Variants in CNTNAP3B observed in about 807,000 individuals in gnomAD.
The protein encoded by CNTNAP3B is contactin associated protein family member 3B, also known as contactin-associated protein-like 3B.
A neutral mutation model predicts 108.9 loss-of-function variants in CNTNAP3B; 25 were observed. The ratio of observed to expected loss-of-function variants is 0.23; its 90% confidence interval spans 0.17 to 0.32. The LOEUF is 0.32. Among genes scored for constraint, CNTNAP3B ranks in the 10% least tolerant of loss-of-function variants. The probability of loss-of-function intolerance (pLI) is 1.00; values close to 1 mark genes in which losing one functional copy is unlikely to be tolerated. For synonymous variants in CNTNAP3B, 103 were observed against 473.4 expected (o/e 0.22, Z 10.16); for missense variants, 252 against 1,210.4 (o/e 0.21, Z 11.75).
chr9:41,918,076 T>A (rs199548515), intron 18 of CNTNAP3B, among the ~76,000 whole-genome samples: 2 of 152,084 alleles, frequency 1.3e-5, no homozygotes, highest in Non-Finnish European at 2.9e-5. Context: ...TATGCCTGTT[T>A]CGTATGAGAG....
At chr9:41,969,679 G>T (rs1396601339) in intron 10 of CNTNAP3B, among the ~76,000 whole-genome samples, 3 of 151,634 alleles carry the variant, frequency 2.0e-5, no homozygotes, top group African/African-American at 7.3e-5. Context: ...GTGCAGTGGC[G>T]CGATCTCTGC....
intron 3 of CNTNAP3B, among the ~76,000 whole-genome samples, chr9:42,045,387 T>TA (rs1826851258): frequency 8.7e-6 from 1 of 114,496 alleles, no homozygotes; most frequent in Non-Finnish European, 1.7e-5. Context: ...TAACTGAAAT[T>TA]TATTTCGAAA....
intron 2 of CNTNAP3B, among the ~76,000 whole-genome samples, chr9:42,087,072 C>G (rs1414970662): frequency 2.1e-5 from 3 of 140,554 alleles, no homozygotes; most frequent in Non-Finnish European, 4.6e-5. Context: ...TTTTTTAATG[C>G]TATTGTGAAT....
intron 3 of CNTNAP3B, among the ~76,000 whole-genome samples, chr9:42,030,813 G>GGAGAGAGAGAGAGAGAGAGA (rs71274672): frequency 3.6e-4 from 24 of 65,766 alleles, no homozygotes; most frequent in African/African-American, 1.3e-3. Flanking sequence ...GAGAGAGAGA[G>GGAGAGAGAGAGAGAGAGAGA]GAGAGAGAGA....
intron 3 of CNTNAP3B, among the ~76,000 whole-genome samples, chr9:42,055,798 A>G (rs1827055544): frequency 9.0e-6 from 1 of 111,640 alleles, no homozygotes; most frequent in Non-Finnish European, 1.8e-5. Context: ...AAACAGACCT[A>G]AAACATTCCC....
At chr9:42,107,505 G>T (rs1343573880) in intron 1 of CNTNAP3B, among the ~76,000 whole-genome samples, 1 of 125,082 alleles carries the variant, frequency 8.0e-6, no homozygotes, top group East Asian at 2.5e-4. Context: ...AGTTTCAGAT[G>T]ATTTCCAATA....
intron 15 of CNTNAP3B, among the ~76,000 whole-genome samples, chr9:41,924,645 G>GCACACACA (rs200851620): frequency 3.7e-3 from 495 of 134,876 alleles, no homozygotes; most frequent in Middle Eastern, 0.011. Flanking sequence ...TTTCCTTCCT[G>GCACACACA]CACACACACA....
rs973961888 is a variant in CNTNAP3B at position 42,115,578 on chromosome 9, T to C, written c.86-10839A>G. ...GCAATATTTGCTGTTCTGCAGCCTC[T>C]GCTGGTGATACCCAGGCAAACAGGG... On this transcript the variant is annotated intron_variant, in intron 1 of 23. Transcript: ENST00000377561. 6.6e-4 allele frequency among the ~76,000 whole-genome samples: 88 copies of C among 133,518 alleles called. 13 individuals carry two copies. Among genetic ancestry groups the C allele is most frequent in the African/African-American group, 2.5e-3 (84 of 33,018 alleles). 87.6% of individuals were successfully genotyped at this position (133,518 alleles called of 152,430 possible). A position where few individuals can be genotyped will look rare whatever the true frequency, so the allele number is the denominator to read the frequency against.
At chr9:41,932,810 G>A (rs947104933) in intron 14 of CNTNAP3B, among the ~76,000 whole-genome samples, 36 of 152,248 alleles carry the variant, frequency 2.4e-4, no homozygotes, top group Admixed American at 6.5e-4. Context: ...GAGCCACCGC[G>A]CCCAGCCCAA....
chr9:41,935,185 GTTAT>G (rs1219745597), intron 14 of CNTNAP3B, among the ~76,000 whole-genome samples: 1 of 152,290 alleles, frequency 6.6e-6, no homozygotes, highest in Non-Finnish European at 1.5e-5. Flanking sequence ...GCATGTTATA[GTTAT>G]TTGATAGAAT....
intron 1 of CNTNAP3B, among the ~76,000 whole-genome samples, chr9:42,115,497 G>C (rs1339197317): frequency 7.2e-6 from 1 of 139,436 alleles, no homozygotes; most frequent in Admixed American, 7.1e-5. Flanking sequence ...ACAGCCAGGT[G>C]CCCCTCTGAG....
intron 2 of CNTNAP3B, among the ~76,000 whole-genome samples, chr9:42,097,172 G>T (rs1391707870): frequency 5.7e-5 from 8 of 140,102 alleles, no homozygotes; most frequent in Admixed American, 4.9e-4. Flanking sequence ...TTATTCTATG[G>T]TTATTCCAGA....
At chr9:41,968,698 C>T (rs1337470639) in intron 10 of CNTNAP3B, among the ~76,000 whole-genome samples, 1 of 141,670 alleles carries the variant, frequency 7.1e-6, no homozygotes, top group Non-Finnish European at 1.5e-5. Context: ...CCTGTTTAGC[C>T]AGAGAAGATA....
intron 1 of CNTNAP3B, among the ~76,000 whole-genome samples, chr9:42,106,407 G>T (rs1828090217): frequency 1.1e-5 from 1 of 94,942 alleles, no homozygotes. Flanking sequence ...GCATAATCTA[G>T]CTAAGAAATT....
intron 3 of CNTNAP3B, among the ~76,000 whole-genome samples, chr9:42,041,779 A>G (rs1826763026): frequency 7.2e-6 from 1 of 139,496 alleles, no homozygotes; most frequent in East Asian, 2.2e-4. Context: ...CTATAAAGAC[A>G]CATGCACGTG....
chr9:41,966,638 G>A, intron 10 of CNTNAP3B, among the ~76,000 whole-genome samples: 1 of 152,294 alleles, frequency 6.6e-6, no homozygotes, highest in Non-Finnish European at 1.5e-5. Flanking sequence ...CCTTAAAACA[G>A]TATAGGAGTC....
At chr9:42,117,944 T>G (rs1287926805) in intron 1 of CNTNAP3B, among the ~76,000 whole-genome samples, 1 of 138,426 alleles carries the variant, frequency 7.2e-6, no homozygotes, top group Non-Finnish European at 1.5e-5. Flanking sequence ...GATAAATTCC[T>G]CGACACATAC....
chr9:41,932,708 C>A (rs1413518149), intron 14 of CNTNAP3B, among the ~76,000 whole-genome samples: 1 of 152,034 alleles, frequency 6.6e-6, no homozygotes, highest in African/African-American at 2.4e-5. Context: ...TTAGTATAGA[C>A]GGGGTTTCAC....
chr9:42,125,668 T>A (rs1383928700), intron 1 of CNTNAP3B, among the ~76,000 whole-genome samples: 1 of 137,112 alleles, frequency 7.3e-6, no homozygotes, highest in Admixed American at 7.3e-5. Flanking sequence ...ATTTTTTGTT[T>A]TTTTTTTTTT....
Sources: allele counts gnomAD v4.1 joint callset (sites outside exome capture counted in the v4.1 genomes callset), GRCh38; gene constraint gnomAD v4.1.1; transcripts MANE v1.5; gene names NCBI Gene and HGNC (gene_info 2026-07-23, HGNC 2026-07-21).